BMERB1: variants seen among roughly 807,000 people sequenced by gnomAD.
BMERB1 encodes the protein bMERB domain containing 1, also known as bMERB domain-containing protein 1.
A neutral mutation model predicts 23.6 loss-of-function variants in BMERB1; 12 were observed. The observed-to-expected ratio is 0.51, with a 90% CI of 0.33 to 0.82. The LOEUF is 0.82. Among genes scored for constraint, BMERB1 ranks in the 40% least tolerant of loss-of-function variants. The pLI, the probability that BMERB1 is intolerant of heterozygous loss-of-function variation, is 0.03. For missense variants in BMERB1, 247 were observed against 255.4 expected (o/e 0.97, Z 0.22); for synonymous variants, 122 against 96.6 (o/e 1.26, Z -1.54).
chr16:15,520,921 C>A (rs780921119), intron 2 of BMERB1, among the ~76,000 whole-genome samples: 1 of 152,232 alleles, frequency 6.6e-6, no homozygotes, highest in African/African-American at 2.4e-5. Flanking sequence ...AGAACTGAAA[C>A]TCACCAGATT....
intron 2 of BMERB1, among the ~76,000 whole-genome samples, chr16:15,554,669 T>TC (rs1308485829): frequency 3.3e-5 from 5 of 150,546 alleles, no homozygotes; most frequent in African/African-American, 1.2e-4. Flanking sequence ...TATTCTTTTT[T>TC]TTTTCTTTTT....
intron 1 of BMERB1, among the ~76,000 whole-genome samples, chr16:15,484,687 C>T (rs745990380): frequency 6.6e-6 from 1 of 152,194 alleles, no homozygotes; most frequent in Non-Finnish European, 1.5e-5. Context: ...CAGGCGTGAG[C>T]CACCGCACCT....
intron 1 of BMERB1, among the ~76,000 whole-genome samples, chr16:15,467,701 A>G (rs559893377): frequency 2.0e-5 from 3 of 152,262 alleles, no homozygotes; most frequent in South Asian, 4.1e-4. Context: ...ATTTGAAGAT[A>G]CTTATTCTGA....
intron 5 of BMERB1, 59 bp downstream of exon 5, chr16:15,583,297 C>T (rs1186323986): frequency 5.1e-6 from 7 of 1,366,396 alleles, no homozygotes; most frequent in Non-Finnish European, 6.3e-6. Flanking sequence ...TATTTCAGGC[C>T]AGGCCCACAG....
intron 2 of BMERB1, among the ~76,000 whole-genome samples, chr16:15,531,815 G>A (rs1004930492): frequency 2.0e-5 from 3 of 152,150 alleles, no homozygotes; most frequent in East Asian, 1.9e-4. Flanking sequence ...TCCCTATCAC[G>A]TGATGGTCTG....
chr16:15,556,205 G>A (rs1019679433), intron 2 of BMERB1, among the ~76,000 whole-genome samples: 1 of 151,950 alleles, frequency 6.6e-6, no homozygotes, highest in African/African-American at 2.4e-5. Context: ...GCATGTGATA[G>A]TGAGATACAC....
chr16:15,562,670 A>G (rs145923130), intron 2 of BMERB1, among the ~76,000 whole-genome samples: 6 of 152,222 alleles, frequency 3.9e-5, no homozygotes, highest in Non-Finnish European at 5.9e-5. Context: ...CACACACTCA[A>G]TTATAATAAC....
intron 1 of BMERB1, among the ~76,000 whole-genome samples, chr16:15,462,309 G>A (rs530260650): frequency 4.0e-5 from 6 of 151,684 alleles, no homozygotes; most frequent in African/African-American, 1.2e-4. Flanking sequence ...CCACCACCAC[G>A]CCTGGCTAAT....
Position 15,458,307 on chromosome 16 carries a change from C to G in BMERB1, c.106+23548C>G, listed in dbSNP as rs79421424. On this transcript the variant is annotated intron_variant, in intron 1 of 5. Coordinates refer to ENST00000300006, the MANE Select transcript of BMERB1 (RefSeq NM_033201.3). ...ATTCTTTTGAGGGCAGAAACCGTGA[C>G]CTGTTCATCTTTGAATTTATAGTAT... 4.2e-3 allele frequency among the ~76,000 whole-genome samples: 634 copies of G among 152,274 alleles called. 4 individuals carry two copies. The highest frequency in any genetic ancestry group is 0.014 in the African/African-American group (586 of 41,544).
chr16:15,547,300 C>T (rs1273809846), intron 2 of BMERB1, among the ~76,000 whole-genome samples: 1 of 151,006 alleles, frequency 6.6e-6, no homozygotes, highest in African/African-American at 2.4e-5. Context: ...AGGCATGAGC[C>T]ACCATGCCCA....
chr16:15,464,728 A>G (rs2051166915), intron 1 of BMERB1, among the ~76,000 whole-genome samples: 3 of 152,214 alleles, frequency 2.0e-5, no homozygotes, highest in South Asian at 4.1e-4. Context: ...ATGCTAATGC[A>G]TCATAATTAG....
At chr16:15,469,082 C>T (rs1780161920) in intron 1 of BMERB1, among the ~76,000 whole-genome samples, 1 of 150,208 alleles carries the variant, frequency 6.7e-6, no homozygotes, top group African/African-American at 2.5e-5. Flanking sequence ...ATTCTTGTGT[C>T]TCAGCTAAGT....
At chr16:15,503,094 G>C (rs903823189) in intron 1 of BMERB1, among the ~76,000 whole-genome samples, 2 of 152,034 alleles carry the variant, frequency 1.3e-5, no homozygotes, top group Non-Finnish European at 2.9e-5. Context: ...AAAATATTCA[G>C]GAAAAAAATC....
chr16:15,513,777 C>G (rs2051706413), intron 1 of BMERB1, among the ~76,000 whole-genome samples: 1 of 151,976 alleles, frequency 6.6e-6, no homozygotes, highest in Non-Finnish European at 1.5e-5. Flanking sequence ...ACTTGTTATC[C>G]CAGCTACTTG....
At chr16:15,515,106 G>A (rs2067063) in intron 1 of BMERB1, among the ~76,000 whole-genome samples, 199 bp from the exon 2 acceptor site, 38,077 of 152,020 alleles carry the variant, frequency 0.25, 5,982 homozygotes, top group East Asian at 0.51. Context: ...CAAAGCAAAC[G>A]AAGTAAATTA....
chr16:15,474,543 T>G lies in BMERB1; in HGVS notation c.106+39784T>G, dbSNP rs567855542. On this transcript the variant is annotated intron_variant, in intron 1 of 5. Transcript: ENST00000300006. ...TGCCACCACACTCTGCTAAATTTTT[T>G]TGTGTGTGTGTGCTTTTTGTAGAGA... is the stretch of plus-strand genomic sequence containing the variant. 2.6e-3 allele frequency among the ~76,000 whole-genome samples: 390 copies of G among 152,010 alleles called. 3 individuals carry two copies. The highest frequency in any genetic ancestry group is 3.3e-3 in the African/African-American group (135 of 41,466).
intron 2 of BMERB1, among the ~76,000 whole-genome samples, chr16:15,534,022 A>G (rs1231483102): frequency 6.6e-6 from 1 of 152,100 alleles, no homozygotes; most frequent in African/African-American, 2.4e-5. Context: ...CTGTACCTCC[A>G]TCCAACTGAA....
At chr16:15,529,362 G>C (rs922683503) in intron 2 of BMERB1, among the ~76,000 whole-genome samples, 2 of 152,112 alleles carry the variant, frequency 1.3e-5, no homozygotes, top group African/African-American at 4.8e-5. Flanking sequence ...GCTAAGAAAG[G>C]GAGAATGGCA....
chr16:15,541,277 G>T (rs2052076410), intron 2 of BMERB1, among the ~76,000 whole-genome samples: 1 of 151,996 alleles, frequency 6.6e-6, no homozygotes. Flanking sequence ...CCCTCTCTGG[G>T]TGCACTGCCC....
Sources: allele counts gnomAD v4.1 joint callset (sites outside exome capture counted in the v4.1 genomes callset), GRCh38; gene constraint gnomAD v4.1.1; transcripts MANE v1.5; gene names NCBI Gene and HGNC (gene_info 2026-07-23, HGNC 2026-07-21).